WDR44: variants seen among roughly 807,000 people sequenced by gnomAD.
WDR44 encodes the protein WD repeat domain 44, also known as WD repeat-containing protein 44.
In WDR44, 9 loss-of-function variants were observed where a neutral mutation model predicts 65.7. That is an observed-to-expected ratio of 0.14 (90% CI 0.08 to 0.24). WDR44 has a LOEUF of 0.24. Ranked by LOEUF, WDR44 falls within the 10% of genes least tolerant of loss-of-function variation. The probability of loss-of-function intolerance (pLI) is 1.00; values close to 1 mark genes in which losing one functional copy is unlikely to be tolerated. For synonymous variants in WDR44, 220 were observed against 235.2 expected, an observed-to-expected ratio of 0.94 and a Z score of 0.59; for missense variants, 425 against 670.9, an observed-to-expected ratio of 0.63 and a Z score of 4.05.
Position 118,359,631 on chromosome X carries a change from T to G in WDR44, c.77+13051T>G, listed in dbSNP as rs1371796252. ...ATTTCACAACAAAGTTTCCTTTGATTTCATTAAAGATCATTTACAAATATT... is the reference window on the plus strand; with the variant it reads ...ATTTCACAACAAAGTTTCCTTTGATGTCATTAAAGATCATTTACAAATATT... On this transcript the variant is annotated intron_variant, in intron 1 of 19. Transcript: ENST00000254029. Among the ~76,000 whole-genome samples the G allele has an allele frequency of 4.5e-5, 5 of 112,311 alleles. No individual in the cohort carries two copies. The East Asian group carries it at 1.4e-3, about 31-fold the overall frequency.
At chrX:118,391,736 C>A (rs184398864) in intron 3 of WDR44, among the ~76,000 whole-genome samples, 1 of 112,283 alleles carries the variant, frequency 8.9e-6, no homozygotes, top group Non-Finnish European at 1.9e-5. Flanking sequence ...GTAATCCCAG[C>A]ACTTTGGGAG....
intron 1 of WDR44, among the ~76,000 whole-genome samples, chrX:118,349,412 C>CT (rs1239842646): frequency 1.8e-5 from 2 of 109,522 alleles, no homozygotes; most frequent in Non-Finnish European, 3.8e-5. Flanking sequence ...TGGGGTCTTG[C>CT]TATGTTGCCC....
chrX:118,449,104 A>G lies in WDR44; in HGVS notation c.*117A>G, dbSNP rs1010894663. 3 of 475,813 alleles carry G rather than the reference A, an allele frequency of 6.3e-6. No individual in the cohort carries two copies. The highest frequency in any genetic ancestry group is 9.9e-6 in the Non-Finnish European group (3 of 302,506). 39.2% of individuals were successfully genotyped at this position (475,813 alleles called of 1,213,427 possible). On this transcript the variant is annotated 3_prime_UTR_variant, in exon 20 of 20. Transcript: ENST00000254029. ...TTTTTATTGAAAGTTGTTCAAATATAATATATTTTTTGAGAGGCAGTGTTA... is the reference window on the plus strand; with the variant it reads ...TTTTTATTGAAAGTTGTTCAAATATGATATATTTTTTGAGAGGCAGTGTTA...
intron 1 of WDR44, among the ~76,000 whole-genome samples, chrX:118,370,661 A>G (rs1270114737): frequency 1.8e-5 from 2 of 109,684 alleles, no homozygotes; most frequent in Non-Finnish European, 3.8e-5. Flanking sequence ...TCGGCTCACT[A>G]AAACCTCCAA....
intron 2 of WDR44, among the ~76,000 whole-genome samples, chrX:118,384,325 G>C (rs1602899653): frequency 1.8e-5 from 2 of 111,691 alleles, no homozygotes; most frequent in Admixed American, 9.6e-5. Context: ...ACATTCTAGT[G>C]GGACAGGGAA....
At chrX:118,357,086 C>A (rs2056467377) in intron 1 of WDR44, among the ~76,000 whole-genome samples, 2 of 110,287 alleles carry the variant, frequency 1.8e-5, no homozygotes, top group Admixed American at 9.8e-5. Flanking sequence ...CCACCTCGGC[C>A]TCTCAAAGTG....
At chrX:118,355,246 G>A (rs946412553) in intron 1 of WDR44, among the ~76,000 whole-genome samples, 5 of 111,787 alleles carry the variant, frequency 4.5e-5, no homozygotes, top group Non-Finnish European at 9.4e-5. Context: ...CATAGTCAAT[G>A]TCATTAGTAC....
chrX:118,359,055 C>T (rs1296166715), intron 1 of WDR44, among the ~76,000 whole-genome samples: 1 of 99,969 alleles, frequency 1.0e-5, no homozygotes, highest in Non-Finnish European at 1.9e-5. Context: ...GCCTGGGCGA[C>T]AGAGTGAGAC....
At chrX:118,358,671 C>G (rs1390688377) in intron 1 of WDR44, among the ~76,000 whole-genome samples, 1 of 111,955 alleles carries the variant, frequency 8.9e-6, no homozygotes, top group African/African-American at 3.2e-5. Flanking sequence ...CACCACTGCA[C>G]TCCAGCCTGG....
At chrX:118,413,905 CCAGTTATCT>C (rs1405458846) in intron 12 of WDR44, among the ~76,000 whole-genome samples, 1 of 111,629 alleles carries the variant, frequency 9.0e-6, no homozygotes, top group Non-Finnish European at 1.9e-5. Context: ...ACGTGGCTAG[CCAGTTATCT>C]CAGCACCATT....
chrX:118,442,374 C>A, intron 16 of WDR44, 29 bp downstream of exon 16: 1 of 1,091,105 alleles, frequency 9.2e-7, no homozygotes, highest in South Asian at 1.9e-5. Flanking sequence ...CCATCTCTCT[C>A]CATACTATAT....
intron 18 of WDR44, among the ~76,000 whole-genome samples, chrX:118,444,028 A>AGAG (rs1460529234): frequency 9.3e-6 from 1 of 107,607 alleles, no homozygotes; most frequent in East Asian, 2.9e-4. Flanking sequence ...TCTGGGCAAT[A>AGAG]GAGTGAGATT....
chrX:118,370,382 G>A (rs1022777780), intron 1 of WDR44, among the ~76,000 whole-genome samples: 1 of 110,542 alleles, frequency 9.0e-6, no homozygotes, highest in Non-Finnish European at 1.9e-5. Flanking sequence ...CTGTCCTCAC[G>A]ATGAATGACT....
chrX:118,395,187 A>G (rs2056855193), intron 5 of WDR44, 62 bp from the exon 6 acceptor site: 1 of 998,521 alleles, frequency 1.0e-6, no homozygotes, highest in Non-Finnish European at 1.4e-6. Flanking sequence ...ATATGTGGTA[A>G]TAATTGAAAA....
chrX:118,438,257 C>G (rs2057271114), intron 14 of WDR44, among the ~76,000 whole-genome samples: 1 of 110,747 alleles, frequency 9.0e-6, no homozygotes, highest in Non-Finnish European at 1.9e-5. Context: ...GAATAACACC[C>G]CCATCCCTGT....
rs756884179 is a variant in WDR44 at position 118,361,646 on chromosome X, C to T, written c.77+15066C>T. 1.3e-4 allele frequency among the ~76,000 whole-genome samples: 14 copies of T among 111,402 alleles called. 1 individual carries two copies. The South Asian group carries it at 4.9e-3, about 39-fold the overall frequency. On this transcript the variant is annotated intron_variant, in intron 1 of 19. Transcript: ENST00000254029. ...TGGTGCATGCCTGTAGTCCCAGCTA[C>T]TCTGGAGGCTAAGGTGGGAGGATCA...
intron 1 of WDR44, among the ~76,000 whole-genome samples, chrX:118,346,816 G>C (rs756920073): frequency 9.0e-6 from 1 of 111,286 alleles, no homozygotes; most frequent in African/African-American, 3.3e-5. Flanking sequence ...CGGTCCCAGG[G>C]TCGGTCTCGG....
intron 14 of WDR44, among the ~76,000 whole-genome samples, chrX:118,438,026 A>C (rs1353575476): frequency 1.1e-5 from 1 of 94,552 alleles, no homozygotes; most frequent in Non-Finnish European, 2.1e-5. Context: ...ACTCTGTCTC[A>C]AAATAAAAAA....
At chrX:118,370,917 C>T (rs1203869763) in intron 1 of WDR44, among the ~76,000 whole-genome samples, 2 of 109,809 alleles carry the variant, frequency 1.8e-5, no homozygotes, top group Non-Finnish European at 1.9e-5. Flanking sequence ...AATTACTCAG[C>T]CTTAGGTATT....
Sources: allele counts gnomAD v4.1 joint callset (sites outside exome capture counted in the v4.1 genomes callset), GRCh38; gene constraint gnomAD v4.1.1; transcripts MANE v1.5; gene names NCBI Gene and HGNC (gene_info 2026-07-23, HGNC 2026-07-21).